The following KHDRBS2 variants were observed in gnomAD, a reference collection of about 807,000 sequenced individuals.
KHDRBS2 encodes KH domain-containing, RNA-binding, signal transduction-associated protein 2.
A neutral mutation model predicts 44.3 loss-of-function variants in KHDRBS2; 26 were observed. The ratio of observed to expected loss-of-function variants is 0.59; its 90% CI spans 0.43 to 0.81. The LOEUF (loss-of-function observed/expected upper bound fraction) is 0.81. Among genes scored for constraint, KHDRBS2 ranks in the 40% least tolerant of loss-of-function variants. KHDRBS2 has a pLI of 0.00. For synonymous variants in KHDRBS2, 194 were observed against 151.1 expected (o/e 1.28, Z -2.08); for missense variants, 476 against 433.1 (o/e 1.10, Z -0.88).
At chr6:61,672,313 C>T in the KHDRBS2 span, among the ~76,000 whole-genome samples, 5 of 151,930 alleles carry the variant, frequency 3.3e-5, no homozygotes, top group Non-Finnish European at 7.4e-5. Context: ...CATACGTGTG[C>T]ATGTGTCTTT....
intron 7 of KHDRBS2, among the ~76,000 whole-genome samples, chr6:61,728,039 G>T (rs1167598910): frequency 6.6e-6 from 1 of 151,658 alleles, no homozygotes; most frequent in Non-Finnish European, 1.5e-5. Context: ...ATGTTGGGTT[G>T]ATTACCCAAC....
chr6:61,609,862 C>T, the KHDRBS2 span, among the ~76,000 whole-genome samples: 6 of 152,228 alleles, frequency 3.9e-5, no homozygotes, highest in East Asian at 5.8e-4. Context: ...TAATCTTTCA[C>T]GATGTTCCAG....
At chr6:61,990,216 A>C (rs1309928949) in intron 3 of KHDRBS2, among the ~76,000 whole-genome samples, 1 of 152,210 alleles carries the variant, frequency 6.6e-6, no homozygotes, top group Non-Finnish European at 1.5e-5. Context: ...ATTAAGAAGA[A>C]GATAGCTGAA....
intron 6 of KHDRBS2, among the ~76,000 whole-genome samples, chr6:61,744,251 C>A (rs554358543): frequency 6.6e-6 from 1 of 151,982 alleles, no homozygotes; most frequent in Non-Finnish European, 1.5e-5. Context: ...AAAAGCCAGG[C>A]CTTCATATTG....
the KHDRBS2 span, among the ~76,000 whole-genome samples, chr6:61,604,079 G>A: frequency 2.0e-5 from 3 of 152,118 alleles, no homozygotes; most frequent in Non-Finnish European, 4.4e-5. Context: ...TCAAGCCCTT[G>A]CTCTTGCAAA....
intron 3 of KHDRBS2, among the ~76,000 whole-genome samples, chr6:62,019,354 C>A (rs182279337): frequency 5.3e-5 from 8 of 152,092 alleles, no homozygotes; most frequent in Admixed American, 3.9e-4. Context: ...TTACCAAGTA[C>A]TTTTCATGAA....
At chr6:62,145,541 GT>G (rs1322440552) in intron 2 of KHDRBS2, among the ~76,000 whole-genome samples, 3 of 129,946 alleles carry the variant, frequency 2.3e-5, no homozygotes, top group African/African-American at 8.7e-5. Flanking sequence ...TTGGACCAAT[GT>G]GATGTTAAAG....
At chr6:61,857,652 T>A (rs1796330895) in intron 6 of KHDRBS2, among the ~76,000 whole-genome samples, 1 of 151,910 alleles carries the variant, frequency 6.6e-6, no homozygotes, top group African/African-American at 2.4e-5. Flanking sequence ...GTTGCCAGAG[T>A]GAACCCCAGC....
At chr6:61,954,034 T>C (rs4710593) in intron 4 of KHDRBS2, among the ~76,000 whole-genome samples, 52,087 of 152,094 alleles carry the variant, frequency 0.34, 9,087 homozygotes, top group Middle Eastern at 0.41. Context: ...CAGGACAATG[T>C]TGCCACAAAA....
chr6:61,662,951 G>A, the KHDRBS2 span, among the ~76,000 whole-genome samples: 87 of 151,948 alleles, frequency 5.7e-4, no homozygotes, highest in African/African-American at 2.0e-3. Flanking sequence ...ACATGCACAC[G>A]TATGTTTATA....
intron 6 of KHDRBS2, among the ~76,000 whole-genome samples, chr6:61,783,873 T>C (rs1406380974): frequency 6.6e-6 from 1 of 152,064 alleles, no homozygotes. Context: ...ATACAGCATT[T>C]AATTATGTGA....
At chr6:62,281,762 T>G (rs575910752) in intron 1 of KHDRBS2, among the ~76,000 whole-genome samples, 3 of 152,322 alleles carry the variant, frequency 2.0e-5, no homozygotes, top group Non-Finnish European at 4.4e-5. Context: ...CTTTTCCTGT[T>G]ATATAGATGA....
intron 8 of KHDRBS2, among the ~76,000 whole-genome samples, chr6:61,689,205 T>A (rs913632658): frequency 3.8e-4 from 58 of 151,958 alleles, no homozygotes; most frequent in African/African-American, 1.3e-3. Flanking sequence ...ACCTTCATGT[T>A]TGGGATCCTC....
intron 4 of KHDRBS2, among the ~76,000 whole-genome samples, chr6:61,934,151 G>A (rs1309805374): frequency 1.3e-5 from 2 of 150,234 alleles, no homozygotes; most frequent in Non-Finnish European, 3.0e-5. Flanking sequence ...TATTTGTCGG[G>A]TTTTTTTTTG....
chr6:62,032,504 T>A (rs899605368), intron 3 of KHDRBS2, among the ~76,000 whole-genome samples: 3 of 151,092 alleles, frequency 2.0e-5, no homozygotes, highest in African/African-American at 7.3e-5. Context: ...TGTGAGTTAA[T>A]ACTTAATAAA....
At chr6:62,085,793 T>C (rs1344647123) in intron 2 of KHDRBS2, among the ~76,000 whole-genome samples, 1 of 152,078 alleles carries the variant, frequency 6.6e-6, no homozygotes. Flanking sequence ...AATCATAGAA[T>C]GTTGTTACAT....
At chr6:61,791,067 T>C (rs1390659252) in intron 6 of KHDRBS2, among the ~76,000 whole-genome samples, 2 of 151,484 alleles carry the variant, frequency 1.3e-5, no homozygotes, top group African/African-American at 4.8e-5. Flanking sequence ...CCTTATAATA[T>C]ATTCATTATT....
the KHDRBS2 span, among the ~76,000 whole-genome samples, chr6:61,658,659 G>A: frequency 3.3e-5 from 5 of 151,902 alleles, no homozygotes; most frequent in Non-Finnish European, 5.9e-5. Context: ...GACATCTGTA[G>A]TTTTAAAACA....
intron 6 of KHDRBS2, among the ~76,000 whole-genome samples, chr6:61,770,188 G>A (rs759869446): frequency 8.5e-5 from 13 of 152,052 alleles, no homozygotes; most frequent in Non-Finnish European, 1.2e-4. Flanking sequence ...CCATCTGTAC[G>A]TCACTATCAT....
Sources: allele counts gnomAD v4.1 joint callset (sites outside exome capture counted in the v4.1 genomes callset), GRCh38; gene constraint gnomAD v4.1.1; transcripts MANE v1.5; gene names NCBI Gene and HGNC (gene_info 2026-07-23, HGNC 2026-07-21).